The following ITCH variants were observed in gnomAD, a reference collection of about 807,000 sequenced individuals.
ITCH encodes the protein E3 ubiquitin-protein ligase Itchy homolog.
Under a neutral mutation model 126.8 loss-of-function variants are expected in ITCH, and 28 were observed. The ratio of observed to expected loss-of-function variants is 0.22; its 90% confidence interval spans 0.16 to 0.30. The LOEUF (loss-of-function observed/expected upper bound fraction) is 0.30. ITCH is among the 10% of genes least tolerant of loss of function. ITCH has a pLI of 1.00. For missense variants in ITCH, 631 were observed against 1,032.4 expected (o/e 0.61, Z 5.33); for synonymous variants, 342 against 340.0 (o/e 1.01, Z -0.06).
intron 2 of ITCH, among the ~76,000 whole-genome samples, chr20:34,380,605 C>CTTTTTTTTTTTTTTTTTTTTTTTTATTT (rs35848431): frequency 1.4e-5 from 1 of 69,246 alleles, no homozygotes; most frequent in Non-Finnish European, 2.6e-5. Context: ...TTAATGATGT[C>CTTTTTTTTTTTTTTTTTTTTTTTTATTT]TTTTTTTTTT....
rs1348524174 is a variant in ITCH, at chr20:34,437,664, GAGTATGGGTTAGTACTGT to G, written c.522-809_522-792del. On this transcript the variant is annotated intron_variant, in intron 7 of 24. Transcript: ENST00000374864. The stretch of plus-strand genomic sequence containing the variant: ...TTCAGGCTTATTCTGAAATTCCTAG[GAGTATGGGTTAGTACTGT>G]GTAGTGGTTTGGAGGTAGTACATAC... 5.9e-5 allele frequency among the ~76,000 whole-genome samples: 9 copies of G among 152,250 alleles called. No homozygotes were observed. In the South Asian group the frequency reaches 1.4e-3, roughly 25 times the overall value.
At position 34,413,761 on chromosome 20, in the gene ITCH, T is replaced by C; in HGVS notation, c.357T>C (p.Thr119=). Residue 119 remains threonine (T), a synonymous_variant, in exon 6 of 25, where the codon ACT becomes ACC. Transcript: ENST00000374864. Reference sequence around the variant, plus strand: ...TTCCAGTTGAAGAAGTAGTTGTGACTTTGCAGCTTGGAGGTGACAAAGAGC... The same window carrying C: ...TTCCAGTTGAAGAAGTAGTTGTGACCTTGCAGCTTGGAGGTGACAAAGAGC... ...NNMKLEEVVV[T]LQLGGDKEPT... 6.2e-7 allele frequency: 1 copy of C among 1,610,660 alleles called. No homozygotes were observed. Among genetic ancestry groups the C allele is most frequent in the East Asian group, 2.2e-5 (1 of 44,838 alleles).
At chr20:34,395,181 C>T (rs1473921966) in intron 3 of ITCH, among the ~76,000 whole-genome samples, 6 of 149,358 alleles carry the variant, frequency 4.0e-5, no homozygotes, top group African/African-American at 1.5e-4. Flanking sequence ...TGCAGTGAGC[C>T]GAGATCATGC....
At chr20:34,367,898 G>A (rs1343017599) in intron 1 of ITCH, among the ~76,000 whole-genome samples, 1 of 152,148 alleles carries the variant, frequency 6.6e-6, no homozygotes, top group Non-Finnish European at 1.5e-5. Context: ...TAGCCTATGC[G>A]TCTTGACTGT....
chr20:34,489,128 T>G (rs1471590573), intron 20 of ITCH, 138 bp from the exon 21 acceptor site: 3 of 612,514 alleles, frequency 4.9e-6, no homozygotes, highest in Non-Finnish European at 8.2e-6. Flanking sequence ...AGCTTGGACA[T>G]GTGTACAGGG....
chr20:34,394,319 T>C (rs780471980), intron 3 of ITCH, among the ~76,000 whole-genome samples: 2 of 152,182 alleles, frequency 1.3e-5, no homozygotes, highest in Non-Finnish European at 1.5e-5. Context: ...TATATAGATA[T>C]GTAATTTTTA....
At chr20:34,456,469 A>G (rs1297544285) in intron 12 of ITCH, among the ~76,000 whole-genome samples, 1 of 149,446 alleles carries the variant, frequency 6.7e-6, no homozygotes, top group Non-Finnish European at 1.5e-5. Flanking sequence ...TAAAGATCAC[A>G]GAATGGATTC....
chr20:34,435,270 GCGATCCTCCCAGCTCAGCCTCC>G (rs1982862673), intron 7 of ITCH, among the ~76,000 whole-genome samples: 1 of 151,786 alleles, frequency 6.6e-6, no homozygotes, highest in African/African-American at 2.4e-5. Flanking sequence ...TTGGGTTCAA[GCGATCCTCCCAGCTCAGCCTCC>G]CGAGTAGCTG....
intron 3 of ITCH, among the ~76,000 whole-genome samples, chr20:34,404,869 C>CA (rs2039004858): frequency 6.6e-6 from 1 of 152,100 alleles, no homozygotes; most frequent in Non-Finnish European, 1.5e-5. Flanking sequence ...CCTGGTGGCT[C>CA]ATGCCTGTAA....
At chr20:34,419,384 GAAT>G (rs1980428201) in intron 6 of ITCH, among the ~76,000 whole-genome samples, 1 of 151,748 alleles carries the variant, frequency 6.6e-6, no homozygotes, top group African/African-American at 2.4e-5. Flanking sequence ...TCTGAACTTT[GAAT>G]TTGTCATTTC....
intron 14 of ITCH, among the ~76,000 whole-genome samples, chr20:34,469,580 T>G (rs1470166601): frequency 1.3e-5 from 2 of 152,182 alleles, no homozygotes; most frequent in Non-Finnish European, 2.9e-5. Flanking sequence ...TGTGAACCAC[T>G]GCACCTGGCC....
chr20:34,410,338 GC>G (rs1978820212), intron 4 of ITCH, among the ~76,000 whole-genome samples: 1 of 151,222 alleles, frequency 6.6e-6, no homozygotes, highest in Non-Finnish European at 1.5e-5. Flanking sequence ...TCGTGCCATT[GC>G]GTTCCAGCCA....
chr20:34,403,686 T>G (rs1171603816), intron 3 of ITCH, among the ~76,000 whole-genome samples: 1 of 152,060 alleles, frequency 6.6e-6, no homozygotes, highest in Non-Finnish European at 1.5e-5. Context: ...TACGTAAATA[T>G]GGAAATACTC....
intron 2 of ITCH, among the ~76,000 whole-genome samples, chr20:34,388,998 C>A (rs73255066): frequency 0.02 from 2,976 of 152,160 alleles, 93 homozygotes; most frequent in African/African-American, 0.059. Context: ...TAAATACAAT[C>A]ATCCCTTGGT....
At chr20:34,380,506 G>T (rs1890000) in intron 2 of ITCH, among the ~76,000 whole-genome samples, 81,606 of 150,562 alleles carry the variant, frequency 0.54, 22,347 homozygotes, top group Admixed American at 0.64. Flanking sequence ...AGTTGTAAGA[G>T]TTTATTGTAA....
rs145113977 is a variant in ITCH, at chr20:34,440,191, G to A, written c.716G>A (p.Ser239Asn). 1 of 1,613,822 alleles carries A rather than the reference G, an allele frequency of 6.2e-7. No individual in the cohort carries two copies. ...GGTTCACCATCTGCCACTTCTGAAA[G>A]TGATGGGTCTAGTACAGGCTCTCTG... The part of the protein sequence containing the change: ...VNGSPSATSE[S>N]DGSSTGSLPP... Residue 239 changes from serine (S) to asparagine (N), a missense_variant, in exon 9 of 25, where the codon AGT becomes AAT. Transcript: ENST00000374864.
chr20:34,401,711 A>AT (rs2038890566), intron 3 of ITCH: 1 of 785,694 alleles, frequency 1.3e-6, no homozygotes, highest in African/African-American at 1.9e-5. Flanking sequence ...TGGTTAATGA[A>AT]TTAAAAAAAA....
At chr20:34,365,125 G>A (rs922107352) in intron 1 of ITCH, among the ~76,000 whole-genome samples, 2 of 151,940 alleles carry the variant, frequency 1.3e-5, no homozygotes, top group Admixed American at 6.6e-5. Context: ...ACCTGATTCC[G>A]GGGGGTCGAG....
intron 23 of ITCH, among the ~76,000 whole-genome samples, chr20:34,492,941 T>C (rs1260978641): frequency 6.6e-6 from 1 of 152,212 alleles, no homozygotes; most frequent in Non-Finnish European, 1.5e-5. Flanking sequence ...AATACAATAG[T>C]GGATTGTAGT....
Sources: allele counts gnomAD v4.1 joint callset (sites outside exome capture counted in the v4.1 genomes callset), GRCh38; gene constraint gnomAD v4.1.1; transcripts MANE v1.5; gene names NCBI Gene and HGNC (gene_info 2026-07-23, HGNC 2026-07-21).